The following BNC2 variants were observed in gnomAD, a reference collection of about 807,000 sequenced individuals.
BNC2 encodes the protein zinc finger protein basonuclin-2.
A neutral mutation model predicts 76.3 loss-of-function variants in BNC2; 20 were observed. That is an observed-to-expected ratio of 0.26 (90% confidence interval 0.18 to 0.38). The LOEUF (loss-of-function observed/expected upper bound fraction) is 0.38, where lower values mean the gene tolerates loss of function less well. Ranked by LOEUF, BNC2 falls within the 10% of genes least tolerant of loss-of-function variation. The pLI is 1.00. For missense variants in BNC2, 1,382 were observed against 1,399.8 expected (o/e 0.99, Z 0.20); for synonymous variants, 582 against 514.8 (o/e 1.13, Z -1.77).
intron 1 of BNC2, among the ~76,000 whole-genome samples, chr9:16,762,027 G>A (rs1825565738): frequency 6.6e-6 from 1 of 152,128 alleles, no homozygotes; most frequent in South Asian, 2.1e-4. Context: ...AACCAATAGA[G>A]TCACCAACAT....
At chr9:16,747,156 T>A (rs1825034311) in intron 1 of BNC2, among the ~76,000 whole-genome samples, 1 of 152,126 alleles carries the variant, frequency 6.6e-6, no homozygotes, top group African/African-American at 2.4e-5. Context: ...ATGTTGACAT[T>A]TGGCCAAGTT....
At chr9:16,446,911 T>C (rs1821243303) in intron 5 of BNC2, among the ~76,000 whole-genome samples, 1 of 152,152 alleles carries the variant, frequency 6.6e-6, no homozygotes, top group African/African-American at 2.4e-5. Context: ...ACCAGCCATA[T>C]GCATTTCCTC....
chr9:16,721,870 A>C (rs1587351923), intron 3 of BNC2, among the ~76,000 whole-genome samples: 3 of 152,264 alleles, frequency 2.0e-5, no homozygotes, highest in African/African-American at 7.2e-5. Context: ...AATTATAGAC[A>C]CAAGCTAAAA....
intron 5 of BNC2, among the ~76,000 whole-genome samples, chr9:16,517,434 T>A (rs1427346418): frequency 6.6e-6 from 1 of 152,174 alleles, no homozygotes; most frequent in African/African-American, 2.4e-5. Flanking sequence ...ATTAAATAAA[T>A]AAAGCTCTAC....
At chr9:16,807,116 T>A (rs1817935200) in intron 1 of BNC2, among the ~76,000 whole-genome samples, 1 of 152,244 alleles carries the variant, frequency 6.6e-6, no homozygotes, top group Non-Finnish European at 1.5e-5. Context: ...AAGTTATATT[T>A]CTCTTTCCTA....
chr9:16,731,748 C>G (rs1452944598), intron 2 of BNC2, among the ~76,000 whole-genome samples: 1 of 152,088 alleles, frequency 6.6e-6, no homozygotes, highest in African/African-American at 2.4e-5. Flanking sequence ...TTCCCTGTAA[C>G]TTTCGAGCTG....
chr9:16,415,655 T>C lies in BNC2; in HGVS notation c.*3334A>G, dbSNP rs535338302. 6.6e-6 allele frequency: 1 copy of C among 152,310 alleles called. No homozygotes were observed. The highest frequency in any genetic ancestry group is 2.4e-5 in the African/African-American group (1 of 41,574). The allele number at this position is 152,310 out of a possible 1,614,324, so 9.4% of individuals were successfully genotyped here. ...TAAGCCATGGGATCACCATCTTAAC[T>C]AGAATTCTAGTTAAGTCAAAACAAG... On this transcript the variant is annotated 3_prime_UTR_variant, in exon 7 of 7. Transcript: ENST00000380672.
chr9:16,751,266 T>TC (rs373297355), intron 1 of BNC2, among the ~76,000 whole-genome samples: 1 of 145,684 alleles, frequency 6.9e-6, no homozygotes, highest in Non-Finnish European at 1.5e-5. Context: ...GAAAATGGTT[T>TC]AAAAAAAAAA....
intron 1 of BNC2, among the ~76,000 whole-genome samples, chr9:16,752,756 C>G (rs879772247): frequency 1.3e-4 from 20 of 152,134 alleles, no homozygotes; most frequent in African/African-American, 4.3e-4. Context: ...AATACAATAA[C>G]TTGCCGTATT....
intron 5 of BNC2, among the ~76,000 whole-genome samples, chr9:16,463,104 T>C (rs144356790): frequency 2.5e-4 from 38 of 152,182 alleles, no homozygotes; most frequent in African/African-American, 8.2e-4. Context: ...GCAGGGAGAC[T>C]AGTACACTAA....
At chr9:16,586,425 T>C (rs193254507) in intron 3 of BNC2, among the ~76,000 whole-genome samples, 1 of 152,350 alleles carries the variant, frequency 6.6e-6, no homozygotes, top group East Asian at 1.9e-4. Context: ...ATCCAGATTC[T>C]GCCCCACACG....
At chr9:16,855,210 C>A (rs552075913) in intron 1 of BNC2, among the ~76,000 whole-genome samples, 3 of 152,046 alleles carry the variant, frequency 2.0e-5, no homozygotes, top group Non-Finnish European at 2.9e-5. Flanking sequence ...GGTGATCTTT[C>A]TCAATGGTAT....
In BNC2 at chr9:16,606,127, T is replaced by C. The variant is rs185850371; in HGVS notation, c.331-23042A>G. ...CTTACAATTTCAATTATGAGCAACATTTGAGTCCTAAGTAAGAGAAGTAAT... is the reference window on the plus strand; with the variant it reads ...CTTACAATTTCAATTATGAGCAACACTTGAGTCCTAAGTAAGAGAAGTAAT... On this transcript the variant is annotated intron_variant, in intron 3 of 6. Transcript: ENST00000380672. Among the ~76,000 whole-genome samples, 546 of 152,302 alleles carry C rather than the reference T, an allele frequency of 3.6e-3. 3 individuals are homozygous for C. The highest frequency in any genetic ancestry group is 0.012 in the African/African-American group (508 of 41,564).
intron 5 of BNC2, among the ~76,000 whole-genome samples, chr9:16,488,065 A>G (rs2131598239): frequency 6.6e-6 from 1 of 152,350 alleles, no homozygotes; most frequent in East Asian, 1.9e-4. Flanking sequence ...TCTTTGTACT[A>G]CTAAGCTACA....
intron 3 of BNC2, among the ~76,000 whole-genome samples, chr9:16,691,751 T>A (rs1190887797): frequency 1.3e-5 from 2 of 151,648 alleles, no homozygotes; most frequent in Non-Finnish European, 2.9e-5. Context: ...CCTCATGATA[T>A]GCCCGCCTCG....
intron 5 of BNC2, among the ~76,000 whole-genome samples, chr9:16,520,433 G>T (rs1205553866): frequency 6.6e-6 from 1 of 152,140 alleles, no homozygotes; most frequent in Admixed American, 6.5e-5. Context: ...AGGAACTGGT[G>T]TAAGAACAAT....
At chr9:16,838,273 G>C (rs1017705456) in intron 1 of BNC2, among the ~76,000 whole-genome samples, 1 of 152,192 alleles carries the variant, frequency 6.6e-6, no homozygotes, top group Non-Finnish European at 1.5e-5. Flanking sequence ...AAACAAAGCA[G>C]GCCAGGCATG....
intron 5 of BNC2, among the ~76,000 whole-genome samples, chr9:16,460,120 G>C (rs1488035483): frequency 2.0e-5 from 3 of 152,062 alleles, no homozygotes; most frequent in Non-Finnish European, 2.9e-5. Context: ...CCAACTTTAA[G>C]TTATAATATA....
chr9:16,494,196 A>G (rs1340218464), intron 5 of BNC2, among the ~76,000 whole-genome samples: 1 of 152,114 alleles, frequency 6.6e-6, no homozygotes, highest in Admixed American at 6.6e-5. Flanking sequence ...CTCTGTCACC[A>G]GGCTGGAGTG....
Sources: allele counts gnomAD v4.1 joint callset (sites outside exome capture counted in the v4.1 genomes callset), GRCh38; gene constraint gnomAD v4.1.1; transcripts MANE v1.5; gene names NCBI Gene and HGNC (gene_info 2026-07-23, HGNC 2026-07-21).